The following CAPN1 variants were observed in gnomAD, a reference collection of about 807,000 sequenced individuals.
CAPN1 encodes the protein calpain-1 catalytic subunit.
In CAPN1, 77 loss-of-function variants were observed where a neutral mutation model predicts 105.2. The observed-to-expected ratio is 0.73, with a 90% CI of 0.61 to 0.88. CAPN1 has a LOEUF of 0.88. Among genes scored for constraint, CAPN1 ranks in the 40% least tolerant of loss-of-function variants. The probability of loss-of-function intolerance (pLI) is 0.00; values close to 1 mark genes in which losing one functional copy is unlikely to be tolerated. For synonymous variants in CAPN1, 355 were observed against 388.8 expected (o/e 0.91, Z 1.02); for missense variants, 833 against 976.6 (o/e 0.85, Z 1.96).
intron 21 of CAPN1, 29 bp from the exon 22 acceptor site, chr11:65,211,231 C>A (rs1344533503): frequency 1.9e-6 from 3 of 1,611,592 alleles, no homozygotes; most frequent in African/African-American, 2.7e-5. Context: ...ATTTCTGCGG[C>A]CCCAGCTGAC....
Position 65,208,431 on chromosome 11 carries a change from C to T in CAPN1, c.1729+169C>T, listed in dbSNP as rs1948996245. 2 of 675,482 alleles carry T rather than the reference C, an allele frequency of 3.0e-6. No individual in the cohort carries two copies. The highest frequency in any genetic ancestry group is 3.5e-5 in the South Asian group (2 of 57,676). The allele number at this position is 675,482 out of a possible 1,614,324, so 41.8% of individuals were successfully genotyped here. On this transcript the variant is annotated intron_variant, in intron 16 of 21. Coordinates refer to ENST00000279247, the MANE Select transcript of CAPN1 (RefSeq NM_005186.4). The surrounding 1 kb of genome is among the most constrained non-coding windows in gnomAD (Gnocchi z 4.1). ...CCATTTCCATCCCATACTCCTCCTC[C>T]TGACCTGCCATCCTGATAATCCCTG...
rs1949013813 is a variant in CAPN1 at position 65,209,615 on chromosome 11, A to G, written c.1794+228A>G. The G allele has an allele frequency of 1.6e-6, 1 of 636,004 alleles. No homozygotes were observed. The highest frequency in any genetic ancestry group is 1.9e-5 in the South Asian group (1 of 52,676). The allele number at this position is 636,004 out of a possible 1,614,324, so 39.4% of individuals were successfully genotyped here. A position where few individuals can be genotyped will look rare whatever the true frequency, so the allele number is the denominator to read the frequency against. On this transcript the variant is annotated intron_variant, in intron 17 of 21. Transcript: ENST00000279247. This position sits in a 1 kb window ranked among gnomAD's most constrained non-coding sequence, Gnocchi z 4.1. ...AAGGTGGAGCAAGACCTGGGTCCCC[A>G]TTGACCCTGAGGCTGGTGCTATTTC...
intron 10 of CAPN1, among the ~76,000 whole-genome samples, chr11:65,202,630 A>G (rs1166997928): frequency 6.6e-6 from 1 of 151,690 alleles, no homozygotes; most frequent in African/African-American, 2.4e-5. Flanking sequence ...TTTAGTACAG[A>G]CGGGGTTTCA....
chr11:65,204,331 C>G lies in CAPN1; in HGVS notation c.1166-352C>G, dbSNP rs557634099. On this transcript the variant is annotated intron_variant, in intron 10 of 21. Coordinates refer to ENST00000279247, the MANE Select transcript of CAPN1 (RefSeq NM_005186.4). ...CGTGGGGCCCTTCCTCACCTCTGCT[C>G]TGGGGTGCCCTCCGCCTGGCTTCTG... Among the ~76,000 whole-genome samples, 14 of 152,264 alleles carry G rather than the reference C, an allele frequency of 9.2e-5. No individual in the cohort carries two copies. In the East Asian group the frequency reaches 2.5e-3, roughly 27 times the overall value.
At chr11:65,204,933 G>C in intron 11 of CAPN1, 75 bp downstream of exon 11, 2 of 1,329,290 alleles carry the variant, frequency 1.5e-6, no homozygotes, top group Non-Finnish European at 2.1e-6. Flanking sequence ...CAGTGCAGGC[G>C]GGCTTCCACC....
intron 5 of CAPN1, 44 bp from the exon 6 acceptor site, chr11:65,186,126 G>A (rs1948629490): frequency 6.8e-6 from 11 of 1,607,790 alleles, no homozygotes; most frequent in South Asian, 3.3e-5. Context: ...TCTTCTCAGA[G>A]GGTCCTGCTT....
intron 11 of CAPN1, among the ~76,000 whole-genome samples, chr11:65,205,125 T>G (rs986456652): frequency 3.9e-5 from 6 of 152,214 alleles, no homozygotes; most frequent in Non-Finnish European, 8.8e-5. Flanking sequence ...GAGGGCGGCC[T>G]GCTGCTCTTG....
chr11:65,210,338 T>C lies in CAPN1; in HGVS notation c.1945T>C (p.Phe649Leu). The C allele has an allele frequency of 6.2e-7, 1 of 1,608,658 alleles. No individual in the cohort carries two copies. The highest frequency in any genetic ancestry group is 8.5e-7 in the Non-Finnish European group (1 of 1,175,994). The change falls in exon 20 of 22, where the codon TTC (phenylalanine) becomes CTC (leucine). Residue 649 changes from phenylalanine to leucine, a missense_variant and splice_region_variant. Transcript: ENST00000279247. This position sits in a 1 kb window ranked among gnomAD's most constrained non-coding sequence, Gnocchi z 4.3. ...CTTCACTCACTCTCCTGGACCAGGCTTCAAGCTCAACAAGAAGCTGTACGA... is the reference window on the plus strand; with the variant it reads ...CTTCACTCACTCTCCTGGACCAGGCCTCAAGCTCAACAAGAAGCTGTACGA... ...EMRMAIESAG[F>L]KLNKKLYELI...
chr11:65,193,281 C>T (rs1296266358), intron 10 of CAPN1, among the ~76,000 whole-genome samples: 2 of 151,896 alleles, frequency 1.3e-5, no homozygotes, highest in Non-Finnish European at 2.9e-5. Flanking sequence ...ACCCAGCCCC[C>T]TCTTAATATA....
intron 10 of CAPN1, among the ~76,000 whole-genome samples, chr11:65,195,025 A>G (rs1386713194): frequency 1.3e-5 from 2 of 151,578 alleles, no homozygotes; most frequent in African/African-American, 2.4e-5. Context: ...ATCCTCTTCA[A>G]CACTAGTTAT....
chr11:65,187,838 G>A (rs1590850975), intron 7 of CAPN1, 117 bp from the exon 8 acceptor site: 1 of 693,254 alleles, frequency 1.4e-6, no homozygotes. Flanking sequence ...GTTGCAGTGA[G>A]CTGAGATCGC....
Position 65,187,306 on chromosome 11 carries a change from C to T in CAPN1, c.843+8C>T. The T allele has an allele frequency of 6.2e-7, 1 of 1,606,316 alleles. No individual in the cohort carries two copies. Among genetic ancestry groups the T allele is most frequent in the South Asian group, 1.1e-5 (1 of 90,204 alleles). ...GTGACCGGGGCCAAGCAGGTACTGC[C>T]CTGGGTGGGGCCTTCCCTGAAGGGC... On this transcript the variant is annotated splice_region_variant and intron_variant, in intron 7 of 21. Coordinates refer to ENST00000279247, the MANE Select transcript of CAPN1 (RefSeq NM_005186.4).
rs781192477 is a variant in CAPN1, at chr11:65,206,514, G to C, written c.1405G>C (p.Ala469Pro). 3.1e-6 allele frequency: 5 copies of C among 1,613,438 alleles called. No individual in the cohort carries two copies. In the South Asian group the frequency reaches 5.5e-5, roughly 18 times the overall value. Residue 469 changes from alanine (A) to proline (P), a missense_variant, in exon 13 of 22, where the codon GCG becomes CCG. Ala to Pro is a conservative substitution (Grantham distance 27). Coordinates refer to ENST00000279247, the MANE Select transcript of CAPN1 (RefSeq NM_005186.4). ...GAAGCGTGACTTCTTCCTGGCCAATGCGTCTCGGGCGCGCTCAGAGCAGTT... is the reference window on the plus strand; with the variant it reads ...GAAGCGTGACTTCTTCCTGGCCAATCCGTCTCGGGCGCGCTCAGAGCAGTT... Reference protein sequence around the residue: ...HLKRDFFLANASRARSEQFIN... With the variant: ...HLKRDFFLANPSRARSEQFIN...
At chr11:65,204,045 C>A (rs761651905) in intron 10 of CAPN1, among the ~76,000 whole-genome samples, 1 of 152,194 alleles carries the variant, frequency 6.6e-6, no homozygotes, top group Non-Finnish European at 1.5e-5. Flanking sequence ...CCCCTGCCTT[C>A]CCTTGCTGGC....
chr11:65,193,620 G>A (rs1422962749), intron 10 of CAPN1, among the ~76,000 whole-genome samples: 5 of 139,810 alleles, frequency 3.6e-5, no homozygotes, highest in East Asian at 4.5e-4. Flanking sequence ...ACTCCAGCCC[G>A]GGCAATAGAG....
At chr11:65,199,690 T>C (rs1463999155) in intron 10 of CAPN1, among the ~76,000 whole-genome samples, 1 of 152,254 alleles carries the variant, frequency 6.6e-6, no homozygotes, top group Non-Finnish European at 1.5e-5. Flanking sequence ...TTTTTTGCTC[T>C]GTCAAATCTG....
chr11:65,192,258 A>G (rs1948728956), intron 10 of CAPN1, among the ~76,000 whole-genome samples: 1 of 152,224 alleles, frequency 6.6e-6, no homozygotes, highest in African/African-American at 2.4e-5. Flanking sequence ...GGTAAATTGC[A>G]TTTGTTGCTT....
In CAPN1 at chr11:65,209,727, G is replaced by C; in HGVS notation, c.1795-122G>C. On this transcript the variant is annotated intron_variant, in intron 17 of 21. Transcript: ENST00000279247. The surrounding 1 kb of genome is among the most constrained non-coding windows in gnomAD (Gnocchi z 4.1). ...GGGCTGACTGTACATGGCTTTTGCT[G>C]CTTCTCCTCACCCAGCCCCAAGTCG... 1 of 937,428 alleles carries C rather than the reference G, an allele frequency of 1.1e-6. No homozygotes were observed. Among genetic ancestry groups the C allele is most frequent in the African/African-American group, 1.6e-5 (1 of 61,418 alleles). 58.1% of individuals were successfully genotyped at this position (937,428 alleles called of 1,614,324 possible).
At position 65,195,100 on chromosome 11, in the gene CAPN1, G is replaced by GGTTTTTTTTTTTTTTTTTTTTTTTTT. The variant is rs1565403828; in HGVS notation, c.1165+6354_1165+6355insGTTTTTTTTTTTTTTTTTTTTTTTTT. On this transcript the variant is annotated intron_variant, in intron 10 of 21. Transcript: ENST00000279247. ...AGTGGTATCACTGAAGTTTTTTGGG[G>GGTTTTTTTTTTTTTTTTTTTTTTTTT]TTTTTTTTTTTTTTTTTTTTTTTTT... is the stretch of plus-strand genomic sequence containing the variant. Among the ~76,000 whole-genome samples the GGTTTTTTTTTTTTTTTTTTTTTTTTT allele has an allele frequency of 4.4e-5, 4 of 90,906 alleles. 1 individual carries two copies. The highest frequency in any genetic ancestry group is 1.0e-4 in the African/African-American group (3 of 29,840). 59.6% of individuals were successfully genotyped at this position (90,906 alleles called of 152,430 possible).
Sources: allele counts gnomAD v4.1 joint callset (sites outside exome capture counted in the v4.1 genomes callset), GRCh38; gene constraint gnomAD v4.1.1; non-coding constraint Gnocchi (gnomAD v3.1); transcripts MANE v1.5; gene names NCBI Gene and HGNC (gene_info 2026-07-23, HGNC 2026-07-21).